Variants in WWC1 observed in about 807,000 individuals in gnomAD.
WWC1 encodes the protein WW and C2 domain containing 1.
A neutral mutation model predicts 138.4 loss-of-function variants in WWC1; 55 were observed. That is an observed-to-expected ratio of 0.40 (90% CI 0.32 to 0.50). The LOEUF is 0.50. Ranked by LOEUF, WWC1 falls within the 20% of genes least tolerant of loss-of-function variation. The pLI, the probability that WWC1 is intolerant of heterozygous loss-of-function variation, is 0.72. For synonymous variants in WWC1, 524 were observed against 564.9 expected (o/e 0.93, Z 1.03); for missense variants, 1,226 against 1,420.4 (o/e 0.86, Z 2.20).
intron 1 of WWC1, among the ~76,000 whole-genome samples, chr5:168,334,220 T>C (rs1323030465): frequency 1.3e-5 from 2 of 149,702 alleles, no homozygotes; most frequent in East Asian, 2.0e-4. Context: ...CAAGATCCTG[T>C]CTCAAAACAA....
At chr5:168,327,869 G>A in intron 1 of WWC1, among the ~76,000 whole-genome samples, 1 of 152,222 alleles carries the variant, frequency 6.6e-6, no homozygotes, top group East Asian at 1.9e-4. Context: ...CCAGGAGTGA[G>A]GGGAAAGCCT....
At chr5:168,440,116 A>C (rs1384873768) in intron 15 of WWC1, among the ~76,000 whole-genome samples, 1 of 152,226 alleles carries the variant, frequency 6.6e-6, no homozygotes, top group Non-Finnish European at 1.5e-5. Context: ...AACAACAAAA[A>C]AATCAACCCA....
At chr5:168,327,205 A>G (rs1197444902) in intron 1 of WWC1, among the ~76,000 whole-genome samples, 1 of 152,184 alleles carries the variant, frequency 6.6e-6, no homozygotes, top group African/African-American at 2.4e-5. Flanking sequence ...GAAAACCCCA[A>G]AATATCTTAG....
At chr5:168,367,109 C>G (rs1776356519) in intron 1 of WWC1, among the ~76,000 whole-genome samples, 1 of 151,908 alleles carries the variant, frequency 6.6e-6, no homozygotes, top group Non-Finnish European at 1.5e-5. Flanking sequence ...CTTTGAAACA[C>G]TTAATTGCCT....
chr5:168,454,129 T>C, intron 18 of WWC1, 29 bp downstream of exon 18: 1 of 1,604,126 alleles, frequency 6.2e-7, no homozygotes, highest in East Asian at 2.2e-5. Flanking sequence ...ATAGAAGGGC[T>C]GTCGTGGGGA....
intron 1 of WWC1, among the ~76,000 whole-genome samples, chr5:168,353,171 C>T (rs1775122303): frequency 2.6e-5 from 4 of 152,086 alleles, no homozygotes; most frequent in Admixed American, 2.6e-4. Context: ...TGGGTCCTTC[C>T]AGGGGGCCTG....
chr5:168,438,071 G>A (rs943009108), intron 15 of WWC1, among the ~76,000 whole-genome samples: 3 of 152,158 alleles, frequency 2.0e-5, no homozygotes, highest in Non-Finnish European at 2.9e-5. Flanking sequence ...CAATAGGCTG[G>A]TAGGTAGGAG....
At chr5:168,348,878 G>A (rs1774697530) in intron 1 of WWC1, among the ~76,000 whole-genome samples, 1 of 152,086 alleles carries the variant, frequency 6.6e-6, no homozygotes, top group South Asian at 2.1e-4. Flanking sequence ...AAGTTCCTGA[G>A]TGGTCTGAAA....
At chr5:168,434,161 C>T (rs544962339) in intron 15 of WWC1, among the ~76,000 whole-genome samples, 13 of 152,304 alleles carry the variant, frequency 8.5e-5, no homozygotes, top group African/African-American at 3.1e-4. Context: ...TTTTCTTCTC[C>T]TAATTGGATG....
At chr5:168,381,611 C>T (rs555538005) in intron 2 of WWC1, among the ~76,000 whole-genome samples, 15 of 152,136 alleles carry the variant, frequency 9.9e-5, no homozygotes, top group South Asian at 2.1e-4. Context: ...AAAATTCTCC[C>T]GGGTGATTCT....
chr5:168,426,104 G>A (rs1359943542), intron 11 of WWC1, among the ~76,000 whole-genome samples: 1 of 152,156 alleles, frequency 6.6e-6, no homozygotes, highest in Non-Finnish European at 1.5e-5. Context: ...AGCATGGTAG[G>A]GAAATGAGGT....
chr5:168,365,590 G>A (rs761578264), intron 1 of WWC1, among the ~76,000 whole-genome samples: 3 of 152,154 alleles, frequency 2.0e-5, no homozygotes, highest in African/African-American at 7.2e-5. Context: ...CTCACAGCCC[G>A]TAGGAAAGTA....
chr5:168,377,730 A>G (rs1394933592), intron 2 of WWC1, among the ~76,000 whole-genome samples: 1 of 152,260 alleles, frequency 6.6e-6, no homozygotes, highest in Non-Finnish European at 1.5e-5. Context: ...CCACAGCGAG[A>G]TACCATCTCA....
chr5:168,395,102 A>G (rs1778793894), intron 3 of WWC1, among the ~76,000 whole-genome samples: 2 of 152,338 alleles, frequency 1.3e-5, no homozygotes, highest in African/African-American at 2.4e-5. Context: ...AACACGATGC[A>G]TGCCTCAAGT....
At chr5:168,362,360 T>A (rs1775940069) in intron 1 of WWC1, among the ~76,000 whole-genome samples, 1 of 152,188 alleles carries the variant, frequency 6.6e-6, no homozygotes, top group Admixed American at 6.5e-5. Context: ...CTGAGCCACA[T>A]AGAGTTTACA....
At chr5:168,384,608 C>G (rs905024800) in intron 2 of WWC1, among the ~76,000 whole-genome samples, 2 of 151,858 alleles carry the variant, frequency 1.3e-5, no homozygotes, top group Admixed American at 1.3e-4. Context: ...TTGAGCATCT[C>G]TAATGTCCTT....
At chr5:168,294,436 C>T (rs1388999460) in intron 1 of WWC1, among the ~76,000 whole-genome samples, 3 of 151,958 alleles carry the variant, frequency 2.0e-5, no homozygotes, top group Non-Finnish European at 4.4e-5. Context: ...AACAAAAAAC[C>T]AGGGTTAGTA....
At chr5:168,425,524 A>T (rs1335138098) in intron 11 of WWC1, among the ~76,000 whole-genome samples, 1 of 134,504 alleles carries the variant, frequency 7.4e-6, no homozygotes, top group Non-Finnish European at 1.5e-5. Context: ...ATGGAGTCTC[A>T]CTCTGTCACC....
At chr5:168,398,105 T>A (rs373505491) in intron 4 of WWC1, among the ~76,000 whole-genome samples, 1 of 146,068 alleles carries the variant, frequency 6.8e-6, no homozygotes, top group African/African-American at 2.5e-5. Flanking sequence ...ATTTATTTAT[T>A]TTTATTTTTA....
Sources: allele counts gnomAD v4.1 joint callset (sites outside exome capture counted in the v4.1 genomes callset), GRCh38; gene constraint gnomAD v4.1.1; transcripts MANE v1.5; gene names NCBI Gene and HGNC (gene_info 2026-07-23, HGNC 2026-07-21).